EHBP1: variants seen among roughly 807,000 people sequenced by gnomAD.
EHBP1 encodes the protein EH domain binding protein 1.
A neutral mutation model predicts 144.0 loss-of-function variants in EHBP1; 55 were observed. That is an observed-to-expected ratio of 0.38 (90% CI 0.31 to 0.48). The LOEUF (loss-of-function observed/expected upper bound fraction) is 0.48. EHBP1 is among the 20% of genes least tolerant of loss of function. The probability of loss-of-function intolerance (pLI) is 0.98; values close to 1 mark genes in which losing one functional copy is unlikely to be tolerated. For missense variants in EHBP1, 1,200 were observed against 1,364.2 expected, an observed-to-expected ratio of 0.88 and a Z score of 1.90; for synonymous variants, 469 against 472.7, an observed-to-expected ratio of 0.99 and a Z score of 0.10.
rs1312242870 is a variant in EHBP1, at chr2:62,840,675, C to T, written c.634+9517C>T. On this transcript the variant is annotated intron_variant, in intron 7 of 22. Transcript: ENST00000431489. ...ACAAACAACCCCATCAAAAAGTGGG[C>T]GAAGGACATGAACAGACACTTCTCA... Among the ~76,000 whole-genome samples the T allele has an allele frequency of 7.3e-5, 11 of 151,324 alleles. 1 individual carries two copies. The East Asian group carries it at 9.7e-4, about 13-fold the overall frequency.
chr2:62,800,941 A>T (rs2043934269), intron 5 of EHBP1, among the ~76,000 whole-genome samples: 1 of 152,230 alleles, frequency 6.6e-6, no homozygotes, highest in Admixed American at 6.5e-5. Context: ...ATTGGACAAG[A>T]AGAAATGCTT....
Position 62,831,170 on chromosome 2 carries a change from T to C in EHBP1, c.634+12T>C, listed in dbSNP as rs2046799550. ...AGCTAAAATTACAGGTTGGTTTTAT[T>C]AGCATTAAACTAAAAGTTTATCTTT... On this transcript the variant is annotated intron_variant, in intron 7 of 22. Coordinates refer to ENST00000431489, the MANE Select transcript of EHBP1 (RefSeq NM_001142616.3). 6.3e-7 allele frequency: 1 copy of C among 1,585,282 alleles called. No homozygotes were observed. The highest frequency in any genetic ancestry group is 1.4e-5 in the African/African-American group (1 of 72,506).
chr2:62,773,950 C>A (rs2041876292), intron 5 of EHBP1, among the ~76,000 whole-genome samples: 1 of 147,920 alleles, frequency 6.8e-6, no homozygotes, highest in South Asian at 2.2e-4. Context: ...GAAAAGTAGA[C>A]CCTAGAGGCA....
chr2:63,034,179 T>C (rs1283186556), intron 19 of EHBP1, among the ~76,000 whole-genome samples: 1 of 152,072 alleles, frequency 6.6e-6, no homozygotes, highest in Non-Finnish European at 1.5e-5. Flanking sequence ...AGTTAAGTAG[T>C]TTTTATGTTT....
At chr2:62,865,484 G>T (rs1340596666) in intron 9 of EHBP1, among the ~76,000 whole-genome samples, 1 of 152,158 alleles carries the variant, frequency 6.6e-6, no homozygotes, top group African/African-American at 2.4e-5. Context: ...CCCAAATCTG[G>T]AGTGGGGATA....
At chr2:63,021,291 A>T (rs563377731) in intron 19 of EHBP1, among the ~76,000 whole-genome samples, 3 of 152,204 alleles carry the variant, frequency 2.0e-5, no homozygotes, top group Non-Finnish European at 4.4e-5. Context: ...TAGGAATTTG[A>T]CATAAGGCTA....
chr2:63,008,449 A>T lies in EHBP1; in HGVS notation c.3103+11683A>T, dbSNP rs529396751. On this transcript the variant is annotated intron_variant, in intron 19 of 22. Transcript: ENST00000431489. The stretch of plus-strand genomic sequence containing the variant: ...TTTCTTTCTTGTTCTTGTCTGCTTT[A>T]TGCCCTCTCTAATGAAAAAAATGAA... Among the ~76,000 whole-genome samples the T allele has an allele frequency of 7.9e-5, 12 of 151,444 alleles. 1 individual carries two copies. The highest frequency in any genetic ancestry group is 2.9e-4 in the African/African-American group (12 of 41,416).
intron 1 of EHBP1, among the ~76,000 whole-genome samples, chr2:62,686,639 C>A (rs367691708): frequency 6.6e-6 from 1 of 152,296 alleles, no homozygotes; most frequent in East Asian, 1.9e-4. Flanking sequence ...ACAGCTAAAA[C>A]CACTGAGAAA....
At chr2:62,937,951 A>C (rs2056491854) in intron 10 of EHBP1, among the ~76,000 whole-genome samples, 1 of 152,184 alleles carries the variant, frequency 6.6e-6, no homozygotes, top group South Asian at 2.1e-4. Context: ...TGGAAGAAGA[A>C]AGACCTATTA....
intron 18 of EHBP1, among the ~76,000 whole-genome samples, chr2:62,995,879 G>C (rs1395836143): frequency 6.6e-6 from 1 of 151,900 alleles, no homozygotes; most frequent in African/African-American, 2.4e-5. Flanking sequence ...TTTAAACATG[G>C]ATGGTTCAAA....
intron 21 of EHBP1, among the ~76,000 whole-genome samples, chr2:63,042,004 T>C (rs1169008177): frequency 1.3e-5 from 2 of 152,186 alleles, no homozygotes; most frequent in Admixed American, 1.3e-4. Context: ...TTTTTTAAAC[T>C]AACAAAACAG....
intron 19 of EHBP1, among the ~76,000 whole-genome samples, chr2:63,003,474 G>A (rs1282257231): frequency 2.6e-5 from 4 of 152,004 alleles, no homozygotes; most frequent in African/African-American, 7.2e-5. Context: ...AGTGTGTACT[G>A]ATATCAGACA....
intron 10 of EHBP1, among the ~76,000 whole-genome samples, chr2:62,874,822 A>G (rs2050753106): frequency 2.0e-5 from 3 of 151,934 alleles, no homozygotes; most frequent in Non-Finnish European, 2.9e-5. Context: ...AGGATACTCT[A>G]TAACTATAGG....
At chr2:63,023,658 G>T (rs1395141423) in intron 19 of EHBP1, among the ~76,000 whole-genome samples, 3 of 152,092 alleles carry the variant, frequency 2.0e-5, no homozygotes, top group African/African-American at 7.2e-5. Context: ...ACCACTTGGT[G>T]GCCAAAACTA....
chr2:62,675,900 G>A (rs1012053608), intron 1 of EHBP1, among the ~76,000 whole-genome samples: 2 of 151,972 alleles, frequency 1.3e-5, no homozygotes, highest in African/African-American at 2.4e-5. Flanking sequence ...CCACAGGTGC[G>A]TACCACCATG....
rs370979673 is a variant in EHBP1 at position 63,026,221 on chromosome 2, G to A, written c.3104-11314G>A. On this transcript the variant is annotated intron_variant, in intron 19 of 22. Coordinates refer to ENST00000431489, the MANE Select transcript of EHBP1 (RefSeq NM_001142616.3). The stretch of plus-strand genomic sequence containing the variant: ...ACACTCTGCTGGGAGGAATCACCAT[G>A]CCTTGCTCTATCAATAATTCTAGGA... 2.6e-5 allele frequency among the ~76,000 whole-genome samples: 4 copies of A among 151,676 alleles called. No individual in the cohort carries two copies. The East Asian group carries it at 5.8e-4, about 22-fold the overall frequency.
chr2:62,820,306 A>G (rs980610601), intron 5 of EHBP1, among the ~76,000 whole-genome samples: 1 of 152,104 alleles, frequency 6.6e-6, no homozygotes, highest in South Asian at 2.1e-4. Flanking sequence ...TATAAAAGTA[A>G]AAAGACTCAC....
chr2:62,918,986 T>C (rs566606985), intron 10 of EHBP1, among the ~76,000 whole-genome samples: 1 of 152,316 alleles, frequency 6.6e-6, no homozygotes, highest in African/African-American at 2.4e-5. Context: ...TAGTCAATTT[T>C]GGTCGGTTTC....
intron 5 of EHBP1, among the ~76,000 whole-genome samples, chr2:62,785,367 G>A (rs1021004172): frequency 1.3e-5 from 2 of 152,322 alleles, no homozygotes; most frequent in East Asian, 1.9e-4. Flanking sequence ...TGTCATGGGC[G>A]TGAACTGGGA....
Sources: gnomAD v4.1 joint callset for allele counts (sites outside exome capture counted in the v4.1 genomes callset) on GRCh38, gnomAD v4.1.1 for gene constraint, MANE v1.5 for transcripts, NCBI Gene and HGNC (gene_info 2026-07-23, HGNC 2026-07-21) for gene names.